Variants in FGF13 observed in about 807,000 individuals in gnomAD.
FGF13 encodes the protein fibroblast growth factor homologous factor 2.
A neutral mutation model predicts 19.5 loss-of-function variants in FGF13; 2 were observed. The observed-to-expected ratio is 0.10, with a 90% CI of 0.04 to 0.32. The LOEUF is 0.32. Ranked by LOEUF, FGF13 falls within the 10% of genes least tolerant of loss-of-function variation. The pLI, the probability that FGF13 is intolerant of heterozygous loss-of-function variation, is 1.00. For missense variants in FGF13, 113 were observed against 192.7 expected, an observed-to-expected ratio of 0.59 and a Z score of 2.45; for synonymous variants, 72 against 76.9, an observed-to-expected ratio of 0.94 and a Z score of 0.33.
chrX:138,729,022 T>A (rs2090207386), intron 1 of FGF13, among the ~76,000 whole-genome samples: 1 of 111,731 alleles, frequency 9.0e-6, no homozygotes, highest in South Asian at 3.7e-4. Flanking sequence ...ACTAATGGCC[T>A]AATAGAAGAA....
rs770998746 is a variant in FGF13, at chrX:138,778,076, C to T, written c.218-69148G>A. On this transcript the variant is annotated intron_variant, in intron 3 of 6. Coordinates refer to the FGF13 transcript ENST00000436198. ...CAAGATGGCCGAATAGGAACAGCTC[C>T]GGTCTACAGCTCCCAGCCTGAGCGA... Among the ~76,000 whole-genome samples, 56 of 111,737 alleles carry T rather than the reference C, an allele frequency of 5.0e-4. 4 individuals are homozygous for T. The highest frequency in any genetic ancestry group is 3.7e-3 in the East Asian group (13 of 3,521).
chrX:138,954,657 C>A (rs1015516107), intron 1 of FGF13, among the ~76,000 whole-genome samples: 5 of 111,273 alleles, frequency 4.5e-5, no homozygotes, highest in Admixed American at 3.8e-4. Flanking sequence ...ACTTAGAATT[C>A]AATCATAAAA....
At chrX:138,836,323 A>G (rs1407608409) in intron 3 of FGF13, among the ~76,000 whole-genome samples, 3 of 111,976 alleles carry the variant, frequency 2.7e-5, no homozygotes, top group African/African-American at 9.7e-5. Context: ...AGGTACATCA[A>G]TCGGTTGCAG....
chrX:138,931,695 T>G (rs1242935251), intron 1 of FGF13, among the ~76,000 whole-genome samples: 1 of 111,682 alleles, frequency 9.0e-6, no homozygotes, highest in Non-Finnish European at 1.9e-5. Flanking sequence ...TACAAAAGCC[T>G]GTGTATTTCT....
At chrX:138,830,800 C>T (rs2091067899) in intron 3 of FGF13, among the ~76,000 whole-genome samples, 1 of 107,414 alleles carries the variant, frequency 9.3e-6, no homozygotes, top group South Asian at 4.2e-4. Flanking sequence ...TGCCAAGCAA[C>T]CATTTGCTAA....
chrX:139,049,931 C>T (rs988143248), intron 1 of FGF13, among the ~76,000 whole-genome samples: 10 of 112,373 alleles, frequency 8.9e-5, no homozygotes, highest in African/African-American at 3.2e-4. Flanking sequence ...TTAACATCTT[C>T]TTCCTAGATG....
intron 1 of FGF13, among the ~76,000 whole-genome samples, chrX:138,929,235 CTGTGTG>C (rs10622697): frequency 8.2e-5 from 8 of 97,786 alleles, no homozygotes; most frequent in Non-Finnish European, 1.4e-4. Context: ...GAGGAAAACT[CTGTGTG>C]TGTGTGTGTG....
At chrX:139,068,361 C>A (rs2092364320) in intron 1 of FGF13, among the ~76,000 whole-genome samples, 1 of 102,130 alleles carries the variant, frequency 9.8e-6, no homozygotes, top group Admixed American at 1.1e-4. Flanking sequence ...GTTTTGGTAC[C>A]AGTACCATGC....
rs1440465778 is a variant in FGF13 at position 138,877,253 on chromosome X, A to G, written c.-112-12603T>C. On this transcript the variant is annotated intron_variant, in intron 1 of 2. Transcript: ENST00000421460. ...GTTTTTTTTTTAAGAAGAAATGAAGAAAAAAAAAGGAAAAAAGCCTCCTTT... is the reference window on the plus strand; with the variant it reads ...GTTTTTTTTTTAAGAAGAAATGAAGGAAAAAAAAGGAAAAAAGCCTCCTTT... 9.1e-5 allele frequency among the ~76,000 whole-genome samples: 10 copies of G among 110,035 alleles called. No homozygotes were observed. In the Admixed American group the frequency reaches 9.7e-4, roughly 11 times the overall value.
At chrX:138,790,635 C>G (rs1453029114) in intron 3 of FGF13, among the ~76,000 whole-genome samples, 1 of 111,969 alleles carries the variant, frequency 8.9e-6, no homozygotes, top group Non-Finnish European at 1.9e-5. Context: ...CATCCTTATG[C>G]CTTTGGCCTC....
At chrX:138,840,825 A>G (rs2091145516) in intron 3 of FGF13, among the ~76,000 whole-genome samples, 2 of 111,867 alleles carry the variant, frequency 1.8e-5, no homozygotes, top group Admixed American at 9.5e-5. Flanking sequence ...CTTTCTGCCT[A>G]TGGTGAGGGG....
chrX:138,951,963 A>G (rs998319751), intron 1 of FGF13, among the ~76,000 whole-genome samples: 38 of 111,662 alleles, frequency 3.4e-4, no homozygotes, highest in African/African-American at 1.2e-3. Flanking sequence ...CCATGCTCAT[A>G]GGTAGGAAGA....
chrX:139,066,057 A>G (rs992732016), intron 1 of FGF13, among the ~76,000 whole-genome samples: 1 of 111,761 alleles, frequency 8.9e-6, no homozygotes, highest in African/African-American at 3.2e-5. Context: ...CTGAACAACC[A>G]GCTCCTGAAT....
At chrX:138,731,984 A>C (rs1186676909) in intron 1 of FGF13, among the ~76,000 whole-genome samples, 1 of 111,600 alleles carries the variant, frequency 9.0e-6, no homozygotes, top group Non-Finnish European at 1.9e-5. Flanking sequence ...ACACATGACA[A>C]AGCACTCAAC....
In FGF13 at chrX:138,626,917, T is replaced by G. The variant is rs2089068274; in HGVS notation, c.*5933A>C. ...GAAGAAAACTATAGTATAGCCAGAC[T>G]TGGAGAACTAATTCATTCTGGTTTT... On this transcript the variant is annotated 3_prime_UTR_variant, in exon 5 of 5. Coordinates refer to ENST00000315930, the MANE Select transcript of FGF13 (RefSeq NM_004114.5). 8.9e-6 allele frequency: 1 copy of G among 112,176 alleles called. No individual in the cohort carries two copies. The highest frequency in any genetic ancestry group is 1.9e-5 in the Non-Finnish European group (1 of 53,238). The allele number at this position is 112,176 out of a possible 1,213,427, so 9.2% of individuals were successfully genotyped here.
intron 3 of FGF13, among the ~76,000 whole-genome samples, chrX:138,813,861 T>C (rs1037801864): frequency 9.0e-6 from 1 of 111,401 alleles, no homozygotes; most frequent in Non-Finnish European, 1.9e-5. Context: ...TTTTCTGGCT[T>C]CAGTGGAGTC....
chrX:138,717,633 G>T (rs1393386296), intron 1 of FGF13, among the ~76,000 whole-genome samples: 2 of 111,221 alleles, frequency 1.8e-5, no homozygotes, highest in African/African-American at 6.6e-5. Context: ...GTTTTGTTTT[G>T]TTTTGAGATC....
At chrX:138,792,070 T>A (rs143097233) in intron 3 of FGF13, among the ~76,000 whole-genome samples, 22 of 111,764 alleles carry the variant, frequency 2.0e-4, no homozygotes, top group Non-Finnish European at 3.6e-4. Flanking sequence ...TGCTAGCTTC[T>A]CACAATAATA....
rs150857662 is a variant in FGF13, at chrX:139,192,147, G to A, written c.-113+11269C>T. ...TTATATGTGGAAGATGAATAGGGCC[G>A]AGAAGGTCTTTAAGGTTGCTTAATT... On this transcript the variant is annotated intron_variant, in intron 1 of 2. Transcript: ENST00000421460. 4.9e-3 allele frequency among the ~76,000 whole-genome samples: 554 copies of A among 111,954 alleles called. 2 individuals are homozygous for A. The highest frequency in any genetic ancestry group is 0.017 in the African/African-American group (528 of 30,814).
Sources: gnomAD v4.1 joint callset for allele counts (sites outside exome capture counted in the v4.1 genomes callset) on GRCh38, gnomAD v4.1.1 for gene constraint, MANE v1.5 for transcripts, NCBI Gene and HGNC (gene_info 2026-07-23, HGNC 2026-07-21) for gene names.